XKR9: variants seen among roughly 807,000 people sequenced by gnomAD.
XKR9 encodes XK-related protein 9.
A neutral mutation model predicts 32.0 loss-of-function variants in XKR9; 32 were observed. That is an observed-to-expected ratio of 1.00 (90% confidence interval 0.76 to 1.34). The LOEUF (loss-of-function observed/expected upper bound fraction) is 1.34, where lower values mean the gene tolerates loss of function less well. XKR9 is among the 40% of genes most tolerant of loss of function. The probability of loss-of-function intolerance (pLI) is 0.00; values close to 1 mark genes in which losing one functional copy is unlikely to be tolerated. For missense variants in XKR9, 546 were observed against 429.7 expected, an observed-to-expected ratio of 1.27 and a Z score of -2.39; for synonymous variants, 168 against 143.4, an observed-to-expected ratio of 1.17 and a Z score of -1.22.
the XKR9 span, among the ~76,000 whole-genome samples, chr8:70,877,562 G>C: frequency 1.3e-5 from 2 of 152,130 alleles, no homozygotes; most frequent in South Asian, 2.1e-4. Flanking sequence ...ATAGGTATCA[G>C]TGATTGAAGA....
At chr8:70,940,544 T>A in the XKR9 span, among the ~76,000 whole-genome samples, 1 of 152,118 alleles carries the variant, frequency 6.6e-6, no homozygotes, top group African/African-American at 2.4e-5. Context: ...TAAACTGAGA[T>A]AATATATGTA....
the XKR9 span, among the ~76,000 whole-genome samples, chr8:70,853,544 C>CT: frequency 4.5e-4 from 67 of 148,252 alleles, no homozygotes; most frequent in African/African-American, 1.2e-3. Context: ...AAAAGACATT[C>CT]TTTTTTTTTT....
chr8:70,862,975 G>A, the XKR9 span, among the ~76,000 whole-genome samples: 4 of 152,180 alleles, frequency 2.6e-5, no homozygotes, highest in Non-Finnish European at 4.4e-5. Flanking sequence ...CCTAGTGTAT[G>A]CAGAGGTCCT....
At chr8:71,013,871 G>A in the XKR9 span, among the ~76,000 whole-genome samples, 9 of 152,106 alleles carry the variant, frequency 5.9e-5, no homozygotes, top group African/African-American at 2.2e-4. Flanking sequence ...ACTCAATAGT[G>A]TTTATACTTT....
chr8:70,768,193 G>T (rs1453739731), intron 2 of XKR9, among the ~76,000 whole-genome samples: 1 of 151,970 alleles, frequency 6.6e-6, no homozygotes, highest in African/African-American at 2.4e-5. Flanking sequence ...GTAGTGATTC[G>T]GGAGCAGGTT....
the XKR9 span, among the ~76,000 whole-genome samples, chr8:70,947,365 G>C: frequency 1.3e-5 from 2 of 152,210 alleles, no homozygotes; most frequent in South Asian, 4.1e-4. Flanking sequence ...CATGTGACAA[G>C]GAGAATAGAG....
chr8:70,943,724 A>G, the XKR9 span, among the ~76,000 whole-genome samples: 151 of 152,220 alleles, frequency 9.9e-4, 1 homozygote, highest in African/African-American at 3.4e-3. Context: ...GGGAGCTTGG[A>G]GACTTGGGTA....
the XKR9 span, among the ~76,000 whole-genome samples, chr8:70,879,928 C>T: frequency 3.9e-4 from 60 of 152,262 alleles, no homozygotes; most frequent in East Asian, 5.4e-3. Flanking sequence ...TTATCCACCA[C>T]GATCGAATCG....
intron 2 of XKR9, among the ~76,000 whole-genome samples, chr8:70,743,398 A>G (rs549536546): frequency 2.6e-5 from 4 of 152,150 alleles, no homozygotes; most frequent in East Asian, 3.9e-4. Flanking sequence ...GTCTCCATTC[A>G]TTGCCTTTTC....
the XKR9 span, among the ~76,000 whole-genome samples, chr8:70,934,112 A>G: frequency 6.6e-6 from 1 of 152,076 alleles, no homozygotes; most frequent in East Asian, 1.9e-4. Context: ...CTTTAGAGTT[A>G]TATGTTGTCT....
the XKR9 span, among the ~76,000 whole-genome samples, chr8:70,994,429 T>C: frequency 6.6e-6 from 1 of 152,138 alleles, no homozygotes; most frequent in African/African-American, 2.4e-5. Flanking sequence ...AAATATTACA[T>C]TTCACTTTCT....
chr8:71,011,839 T>G, the XKR9 span, among the ~76,000 whole-genome samples: 1 of 152,204 alleles, frequency 6.6e-6, no homozygotes, highest in Non-Finnish European at 1.5e-5. Context: ...GACTACAATT[T>G]ATCAGATAAA....
the XKR9 span, among the ~76,000 whole-genome samples, chr8:70,984,191 A>G: frequency 1.3e-5 from 2 of 152,140 alleles, no homozygotes; most frequent in African/African-American, 4.8e-5. Context: ...AGTGCCTGTA[A>G]TCTTCAGTCC....
intron 2 of XKR9, among the ~76,000 whole-genome samples, chr8:70,781,651 C>A (rs189345097): frequency 2.0e-5 from 3 of 150,920 alleles, no homozygotes; most frequent in African/African-American, 7.3e-5. Context: ...GAGATGAGAT[C>A]TCATTGTGGT....
At chr8:70,900,174 A>G in the XKR9 span, among the ~76,000 whole-genome samples, 2 of 151,714 alleles carry the variant, frequency 1.3e-5, no homozygotes, top group African/African-American at 4.8e-5. Flanking sequence ...GTTACTTCCC[A>G]CTCCCAAACC....
the XKR9 span, among the ~76,000 whole-genome samples, chr8:70,837,222 T>C: frequency 6.6e-6 from 1 of 152,120 alleles, no homozygotes; most frequent in Non-Finnish European, 1.5e-5. Context: ...TCAGAGTTCA[T>C]ATCTCACCTA....
chr8:70,773,638 A>T (rs1337609805), intron 2 of XKR9, among the ~76,000 whole-genome samples: 1 of 152,228 alleles, frequency 6.6e-6, no homozygotes, highest in African/African-American at 2.4e-5. Context: ...AAATGTTGGC[A>T]TACCATTTCT....
At chr8:70,867,772 C>G in the XKR9 span, among the ~76,000 whole-genome samples, 11 of 152,182 alleles carry the variant, frequency 7.2e-5, no homozygotes, top group African/African-American at 2.7e-4. Flanking sequence ...AGTCTTAACT[C>G]ATTTCAGCAT....
At chr8:70,809,440 C>T in the XKR9 span, among the ~76,000 whole-genome samples, 23 of 152,230 alleles carry the variant, frequency 1.5e-4, no homozygotes, top group Middle Eastern at 3.4e-3. Flanking sequence ...CAAAGCTGGA[C>T]GGAGAATGAC....
Sources: allele counts gnomAD v4.1 joint callset (sites outside exome capture counted in the v4.1 genomes callset), GRCh38; gene constraint gnomAD v4.1.1; transcripts MANE v1.5; gene names NCBI Gene and HGNC (gene_info 2026-07-23, HGNC 2026-07-21).